GABRG2: variants seen among roughly 807,000 people sequenced by gnomAD.
GABRG2 encodes the protein gamma-aminobutyric acid type A receptor subunit gamma2, also known as gamma-aminobutyric acid receptor subunit gamma-2.
In GABRG2, 16 loss-of-function variants were observed where a neutral mutation model predicts 56.4. The observed-to-expected ratio is 0.28, with a 90% CI of 0.19 to 0.43. The LOEUF is 0.43. Ranked by LOEUF, GABRG2 falls within the 20% of genes least tolerant of loss-of-function variation. The probability of loss-of-function intolerance (pLI) is 1.00; values close to 1 mark genes in which losing one functional copy is unlikely to be tolerated. For missense variants in GABRG2, 327 were observed against 582.7 expected (o/e 0.56, Z 4.52); for synonymous variants, 208 against 205.5 (o/e 1.01, Z -0.10).
intron 6 of GABRG2, among the ~76,000 whole-genome samples, chr5:162,141,738 G>C (rs1764583024): frequency 6.6e-6 from 1 of 152,156 alleles, no homozygotes; most frequent in South Asian, 2.1e-4. Context: ...ATCCTTGTAT[G>C]TTTTTTATAA....
chr5:162,147,477 G>A lies in GABRG2; in HGVS notation c.923-1631G>A, dbSNP rs368064476. 1.4e-3 allele frequency among the ~76,000 whole-genome samples: 215 copies of A among 152,052 alleles called. 2 individuals are homozygous for A. The highest frequency in any genetic ancestry group is 5.0e-3 in the African/African-American group (208 of 41,502). On this transcript the variant is annotated intron_variant, in intron 7 of 9. Transcript: ENST00000639213. ...CCTCCCGTGTTCAAGTGATTCTCCT[G>A]CCTCAGCCCCTCGAGTAGCTGGGAT...
chr5:162,153,057 C>T (rs1765487529), intron 9 of GABRG2, 36 bp from the exon 10 acceptor site: 1 of 1,613,288 alleles, frequency 6.2e-7, no homozygotes, highest in Non-Finnish European at 8.5e-7. Context: ...TCGAGAACAA[C>T]TAACTGATCC....
rs534779794 is a variant in GABRG2 at position 162,074,990 on chromosome 5, G to A, written c.107+6884G>A. 1.2e-4 allele frequency among the ~76,000 whole-genome samples: 18 copies of A among 152,196 alleles called. No homozygotes were observed. The South Asian group carries it at 1.9e-3, about 16-fold the overall frequency. Reference sequence around the variant, plus strand: ...GTGGAGCTACCTCCCACTATGGTAGGAGATAAGTAATTGAACAGTTCCTTC... The same window carrying A: ...GTGGAGCTACCTCCCACTATGGTAGAAGATAAGTAATTGAACAGTTCCTTC... On this transcript the variant is annotated intron_variant, in intron 1 of 9. Coordinates refer to ENST00000639213, the MANE Select transcript of GABRG2 (RefSeq NM_198904.4).
rs564573019 is a variant in GABRG2, at chr5:162,114,618, C to T, written c.769+10592C>T. 1.1e-4 allele frequency among the ~76,000 whole-genome samples: 17 copies of T among 152,118 alleles called. No individual in the cohort carries two copies. In the South Asian group the frequency reaches 3.5e-3, roughly 32 times the overall value. ...AAAATGACACTCTAAAAAATGAATG[C>T]TAAAACTATGACTTAACCAAAGTTT... On this transcript the variant is annotated intron_variant, in intron 6 of 9. Transcript: ENST00000639213.
intron 6 of GABRG2, among the ~76,000 whole-genome samples, chr5:162,140,407 T>TAAAG (rs1207317666): frequency 6.6e-6 from 1 of 152,150 alleles, no homozygotes; most frequent in Non-Finnish European, 1.5e-5. Flanking sequence ...GAGCAGCCAA[T>TAAAG]AAAGGCCTTT....
intron 7 of GABRG2, among the ~76,000 whole-genome samples, chr5:162,146,632 C>A (rs993033034): frequency 1.3e-5 from 2 of 151,134 alleles, no homozygotes; most frequent in African/African-American, 4.9e-5. Context: ...TTTATTGAGT[C>A]CCAGCATGAT....
chr5:162,116,109 CATGTGTGT>C (rs1473342770), intron 6 of GABRG2, among the ~76,000 whole-genome samples: 31 of 125,568 alleles, frequency 2.5e-4, no homozygotes, highest in Admixed American at 2.1e-3. Context: ...GGTGTGCGTG[CATGTGTGT>C]GTGTGTGTGT....
At chr5:162,151,641 T>G (rs1765376744) in intron 8 of GABRG2, 89 bp from the exon 9 acceptor site, 1 of 1,148,046 alleles carries the variant, frequency 8.7e-7, no homozygotes, top group Non-Finnish European at 1.3e-6. Flanking sequence ...GTATTTTTAA[T>G]TTATCTTGTC....
In GABRG2 at chr5:162,067,999, G is replaced by A. The variant is rs780572044; in HGVS notation, c.-1G>A. 8 of 1,590,638 alleles carry A rather than the reference G, an allele frequency of 5.0e-6. No homozygotes were observed. The African/African-American group carries it at 9.5e-5, about 19-fold the overall frequency. ...GCGAGAGAAGGAAAAAAAAAAAAGC[G>A]ATGAGTTCGCCAAATATATGGAGCA... On this transcript the variant is annotated 5_prime_UTR_variant, in exon 1 of 10. Transcript: ENST00000639213.
intron 6 of GABRG2, among the ~76,000 whole-genome samples, chr5:162,105,721 C>T (rs1006845576): frequency 5.9e-5 from 9 of 151,906 alleles, no homozygotes; most frequent in South Asian, 2.1e-4. Flanking sequence ...AGAGCCACCG[C>T]GCCCGGCCTA....
At chr5:162,142,422 G>T (rs1242776445) in intron 7 of GABRG2, 106 bp downstream of exon 7, 6 of 1,181,062 alleles carry the variant, frequency 5.1e-6, no homozygotes, top group African/African-American at 4.5e-5. Context: ...GCCTGCAATT[G>T]CATAGAAATA....
chr5:162,100,908 G>C (rs1761367364), intron 4 of GABRG2, among the ~76,000 whole-genome samples: 1 of 152,132 alleles, frequency 6.6e-6, no homozygotes, highest in Non-Finnish European at 1.5e-5. Context: ...AGTTGGCTCT[G>C]TTAAATATAT....
chr5:162,082,742 A>C (rs1482433467), intron 1 of GABRG2, among the ~76,000 whole-genome samples: 1 of 151,910 alleles, frequency 6.6e-6, no homozygotes, highest in African/African-American at 2.4e-5. Context: ...TATTATATAG[A>C]GATAAAAATA....
chr5:162,151,538 CACTTA>C, intron 8 of GABRG2, 187 bp from the exon 9 acceptor site: 1 of 524,112 alleles, frequency 1.9e-6, no homozygotes. Flanking sequence ...TACAAAATTA[CACTTA>C]ACTTTAAGCA....
At chr5:162,149,023 A>T (rs1294482482) in intron 7 of GABRG2, 85 bp from the exon 8 acceptor site, 12 of 1,238,048 alleles carry the variant, frequency 9.7e-6, no homozygotes, top group East Asian at 7.0e-5. Context: ...ATCAGAAGTC[A>T]TGAAACAATG....
At chr5:162,138,909 A>G (rs951727400) in intron 6 of GABRG2, among the ~76,000 whole-genome samples, 2 of 152,124 alleles carry the variant, frequency 1.3e-5, no homozygotes, top group Admixed American at 6.6e-5. Context: ...TGGAATCTTC[A>G]AGTTTTTAAG....
At position 162,107,368 on chromosome 5, in the gene GABRG2, G is replaced by A. The variant is rs1581372722; in HGVS notation, c.769+3342G>A. ...TTACACTTTAAGTGCATATATTTGT[G>A]TTCCCTAGACTTTGAATATGTTGAA... On this transcript the variant is annotated intron_variant, in intron 6 of 9. Coordinates refer to ENST00000639213, the MANE Select transcript of GABRG2 (RefSeq NM_198904.4). Among the ~76,000 whole-genome samples, 5 of 152,272 alleles carry A rather than the reference G, an allele frequency of 3.3e-5. No homozygotes were observed. The East Asian group carries it at 7.7e-4, about 23-fold the overall frequency.
intron 1 of GABRG2, among the ~76,000 whole-genome samples, chr5:162,089,367 A>G (rs889599987): frequency 6.6e-6 from 1 of 152,140 alleles, no homozygotes; most frequent in African/African-American, 2.4e-5. Context: ...GTCCCTGTGC[A>G]TGTGGTAAAG....
chr5:162,130,085 T>G (rs1763626914), intron 6 of GABRG2, among the ~76,000 whole-genome samples: 2 of 151,932 alleles, frequency 1.3e-5, no homozygotes, highest in Non-Finnish European at 2.9e-5. Context: ...CAACTCTATA[T>G]AGTATGGTAA....
Sources: gnomAD v4.1 joint callset for allele counts (sites outside exome capture counted in the v4.1 genomes callset) on GRCh38, gnomAD v4.1.1 for gene constraint, MANE v1.5 for transcripts, NCBI Gene and HGNC (gene_info 2026-07-23, HGNC 2026-07-21) for gene names.